The following NELL1 variants were observed in gnomAD, a reference collection of about 807,000 sequenced individuals.
NELL1 encodes the protein neural EGFL like 1.
NELL1 carries 76 observed loss-of-function variants against 107.4 expected under a neutral mutation model. That is an observed-to-expected ratio of 0.71 (90% CI 0.59 to 0.86). The LOEUF is 0.86. Among genes scored for constraint, NELL1 ranks in the 40% least tolerant of loss-of-function variants. The probability of loss-of-function intolerance (pLI) is 0.00; values close to 1 mark genes in which losing one functional copy is unlikely to be tolerated. For synonymous variants in NELL1, 353 were observed against 341.2 expected (o/e 1.03, Z -0.38); for missense variants, 1,024 against 1,005.5 (o/e 1.02, Z -0.25).
intron 12 of NELL1, among the ~76,000 whole-genome samples, chr11:21,015,541 G>A (rs548460116): frequency 7.9e-5 from 12 of 152,184 alleles, no homozygotes; most frequent in African/African-American, 2.6e-4. Flanking sequence ...GTTATACTGA[G>A]GTGACTTTAT....
chr11:21,046,000 C>T (rs1025848973), intron 12 of NELL1, among the ~76,000 whole-genome samples: 1 of 152,020 alleles, frequency 6.6e-6, no homozygotes, highest in African/African-American at 2.4e-5. Flanking sequence ...GTATTTTGTA[C>T]CATTTTATTG....
intron 14 of NELL1, among the ~76,000 whole-genome samples, chr11:21,272,982 A>C (rs1009014318): frequency 6.6e-6 from 1 of 152,238 alleles, no homozygotes; most frequent in Non-Finnish European, 1.5e-5. Flanking sequence ...TGGAAACTCT[A>C]AAAAGTAGAG....
In NELL1 at chr11:21,223,425, T is replaced by G. The variant is rs184359669; in HGVS notation, c.1427-5907T>G. Among the ~76,000 whole-genome samples, 6 of 152,322 alleles carry G rather than the reference T, an allele frequency of 3.9e-5. No homozygotes were observed. The East Asian group carries it at 1.2e-3, about 29-fold the overall frequency. ...TATCTATTTGTGTGGAATATATTTTTTATCCCTTTACTTTTAGATGGTGTG... is the reference window on the plus strand; with the variant it reads ...TATCTATTTGTGTGGAATATATTTTGTATCCCTTTACTTTTAGATGGTGTG... On this transcript the variant is annotated intron_variant, in intron 13 of 19. Transcript: ENST00000357134.
intron 15 of NELL1, among the ~76,000 whole-genome samples, chr11:21,432,761 G>T (rs1386784523): frequency 6.6e-6 from 1 of 151,984 alleles, no homozygotes; most frequent in Non-Finnish European, 1.5e-5. Context: ...ACTTATTTAT[G>T]GTATATAGAG....
chr11:21,080,146 T>A (rs1474521172), intron 12 of NELL1, among the ~76,000 whole-genome samples: 1 of 152,086 alleles, frequency 6.6e-6, no homozygotes, highest in Non-Finnish European at 1.5e-5. Flanking sequence ...TATATTCCTA[T>A]ACCTTTAAAG....
intron 12 of NELL1, among the ~76,000 whole-genome samples, chr11:21,011,198 A>G (rs1852438514): frequency 6.6e-6 from 1 of 152,084 alleles, no homozygotes; most frequent in Non-Finnish European, 1.5e-5. Flanking sequence ...TCAACCCAAG[A>G]ATATCCTCTA....
At chr11:20,762,655 A>G (rs1168213456) in intron 2 of NELL1, among the ~76,000 whole-genome samples, 1 of 152,220 alleles carries the variant, frequency 6.6e-6, no homozygotes. Flanking sequence ...TATGGTGAAT[A>G]AGAGCGTAAT....
At chr11:20,963,602 A>G (rs1851332194) in intron 12 of NELL1, among the ~76,000 whole-genome samples, 1 of 152,120 alleles carries the variant, frequency 6.6e-6, no homozygotes, top group Non-Finnish European at 1.5e-5. Flanking sequence ...GCTCTCTCCT[A>G]AGAATTGCCC....
chr11:20,837,301 G>T (rs1477385057), intron 3 of NELL1, among the ~76,000 whole-genome samples: 1 of 152,132 alleles, frequency 6.6e-6, no homozygotes, highest in Non-Finnish European at 1.5e-5. Context: ...AATTATCTAT[G>T]TGATAACAGA....
chr11:20,708,253 C>T (rs1855022556), intron 2 of NELL1, among the ~76,000 whole-genome samples: 1 of 152,248 alleles, frequency 6.6e-6, no homozygotes, highest in African/African-American at 2.4e-5. Context: ...CATGGCTTCC[C>T]TTGGCTAGGA....
At chr11:21,268,227 T>C (rs1380353639) in intron 14 of NELL1, among the ~76,000 whole-genome samples, 1 of 152,080 alleles carries the variant, frequency 6.6e-6, no homozygotes, top group Non-Finnish European at 1.5e-5. Flanking sequence ...TGTTTAAAAC[T>C]CCATAGGGTC....
intron 2 of NELL1, among the ~76,000 whole-genome samples, chr11:20,761,000 G>A (rs1856407938): frequency 1.3e-5 from 2 of 152,136 alleles, no homozygotes; most frequent in Non-Finnish European, 1.5e-5. Context: ...ATAAAAATTA[G>A]CTCTTTTTCA....
At chr11:20,997,912 C>T (rs1252745525) in intron 12 of NELL1, among the ~76,000 whole-genome samples, 2 of 152,078 alleles carry the variant, frequency 1.3e-5, no homozygotes, top group Non-Finnish European at 2.9e-5. Flanking sequence ...TTCTAAATTT[C>T]AGTGAGCCAT....
intron 2 of NELL1, among the ~76,000 whole-genome samples, chr11:20,708,516 ATCT>A (rs1229521644): frequency 6.6e-6 from 1 of 151,790 alleles, no homozygotes; most frequent in African/African-American, 2.4e-5. Context: ...CCATTTGTAT[ATCT>A]TCTTTTGAGA....
At chr11:21,291,357 T>C (rs1368932360) in intron 14 of NELL1, among the ~76,000 whole-genome samples, 1 of 151,978 alleles carries the variant, frequency 6.6e-6, no homozygotes, top group East Asian at 1.9e-4. Context: ...TAGAGGGAAA[T>C]TTATAGCACT....
chr11:21,220,719 T>A (rs1365064551), intron 13 of NELL1, among the ~76,000 whole-genome samples: 9 of 152,192 alleles, frequency 5.9e-5, no homozygotes, highest in African/African-American at 1.9e-4. Flanking sequence ...GTTAATTTTG[T>A]ATCCTGCAAC....
chr11:21,141,931 T>C (rs1333224695), intron 13 of NELL1, among the ~76,000 whole-genome samples: 1 of 151,978 alleles, frequency 6.6e-6, no homozygotes, highest in Middle Eastern at 3.2e-3. Flanking sequence ...GCTCAGCTAA[T>C]TTTGGTATTT....
intron 15 of NELL1, among the ~76,000 whole-genome samples, chr11:21,397,747 T>C (rs1852012916): frequency 6.6e-6 from 1 of 151,658 alleles, no homozygotes; most frequent in Non-Finnish European, 1.5e-5. Flanking sequence ...GGGATAGTAC[T>C]AGAAGATAAG....
In NELL1 at chr11:20,988,752, AT is replaced by A. The variant is rs947988001; in HGVS notation, c.1300+28202del. On this transcript the variant is annotated intron_variant, in intron 12 of 19. Coordinates refer to ENST00000357134, the MANE Select transcript of NELL1 (RefSeq NM_006157.5). ...ACGACAGGCGCCCGCCACCACACCT[AT>A]TTTTTTTTTATTTTTAGTAGAGATG... is the stretch of plus-strand genomic sequence containing the variant. Among the ~76,000 whole-genome samples the A allele has an allele frequency of 3.7e-3, 535 of 146,288 alleles. 1 individual carries two copies. The highest frequency in any genetic ancestry group is 0.012 in the African/African-American group (482 of 39,946).
Sources: gnomAD v4.1 joint callset for allele counts (sites outside exome capture counted in the v4.1 genomes callset) on GRCh38, gnomAD v4.1.1 for gene constraint, MANE v1.5 for transcripts, NCBI Gene and HGNC (gene_info 2026-07-23, HGNC 2026-07-21) for gene names.